FGF14: variants seen among roughly 807,000 people sequenced by gnomAD.
FGF14 encodes the protein fibroblast growth factor homologous factor 4.
In FGF14, 5 loss-of-function variants were observed where a neutral mutation model predicts 25.5. That is an observed-to-expected ratio of 0.20 (90% CI 0.10 to 0.41). The LOEUF is 0.41. Ranked by LOEUF, FGF14 falls within the 10% of genes least tolerant of loss-of-function variation. FGF14 has a pLI of 1.00. For missense variants in FGF14, 222 were observed against 320.1 expected (o/e 0.69, Z 2.34); for synonymous variants, 138 against 118.3 (o/e 1.17, Z -1.08).
chr13:101,756,563 T>C (rs1421778861), intron 3 of FGF14, among the ~76,000 whole-genome samples: 1 of 152,024 alleles, frequency 6.6e-6, no homozygotes, highest in Non-Finnish European at 1.5e-5. Flanking sequence ...TGAAACCCCG[T>C]CTCTACTAAA....
At chr13:102,076,698 T>C (rs1293889437) in intron 1 of FGF14, among the ~76,000 whole-genome samples, 2 of 152,170 alleles carry the variant, frequency 1.3e-5, no homozygotes, top group Non-Finnish European at 2.9e-5. Context: ...AAAATTAATA[T>C]TGTTAAAATG....
At chr13:101,788,921 G>T (rs866996199) in intron 3 of FGF14, among the ~76,000 whole-genome samples, 381 of 24,364 alleles carry the variant, frequency 0.016, no homozygotes, top group East Asian at 0.043. Context: ...GAGAGAGAGA[G>T]AGAGAGAGAG....
intron 1 of FGF14, among the ~76,000 whole-genome samples, chr13:102,277,586 C>T (rs757465538): frequency 2.0e-5 from 3 of 152,220 alleles, no homozygotes; most frequent in Non-Finnish European, 4.4e-5. Flanking sequence ...CTGGGCTCTG[C>T]TCTGCTGCCT....
chr13:102,353,945 C>T (rs369934706), intron 1 of FGF14, among the ~76,000 whole-genome samples: 44 of 152,300 alleles, frequency 2.9e-4, no homozygotes, highest in African/African-American at 1.1e-3. Flanking sequence ...CCTGAGCCTA[C>T]ATTCACCATG....
At chr13:101,814,703 C>T (rs2041748245) in intron 3 of FGF14, among the ~76,000 whole-genome samples, 1 of 152,142 alleles carries the variant, frequency 6.6e-6, no homozygotes. Context: ...GCTTCTTTCA[C>T]CCAGCATAAT....
intron 1 of FGF14, among the ~76,000 whole-genome samples, chr13:102,001,118 T>A (rs1197228543): frequency 6.6e-6 from 1 of 152,172 alleles, no homozygotes; most frequent in Non-Finnish European, 1.5e-5. Context: ...AAGTATTAAA[T>A]GTTATGATAT....
At chr13:102,293,806 T>C (rs1487330178) in intron 1 of FGF14, 1 of 152,250 alleles carries the variant, frequency 6.6e-6, no homozygotes, top group Admixed American at 6.5e-5. Flanking sequence ...CTGGAAATTC[T>C]GTCTGTGTGA....
intron 3 of FGF14, among the ~76,000 whole-genome samples, chr13:101,861,242 T>G (rs1025651815): frequency 1.3e-5 from 2 of 152,076 alleles, no homozygotes; most frequent in African/African-American, 4.8e-5. Flanking sequence ...ATCAATGAGC[T>G]TCATCATCAT....
chr13:101,857,879 A>T lies in FGF14; in HGVS notation c.408+10846T>A, dbSNP rs530518717. On this transcript the variant is annotated intron_variant, in intron 3 of 4. Coordinates refer to ENST00000376143, the MANE Select transcript of FGF14 (RefSeq NM_004115.4). The stretch of plus-strand genomic sequence containing the variant: ...TATAAAATCCATAGAAACAAACAAC[A>T]TAAAAAAGAAAAAACAATGAAAGTT... Among the ~76,000 whole-genome samples the T allele has an allele frequency of 8.1e-4, 123 of 152,166 alleles. 1 individual carries two copies. In the Middle Eastern group the frequency reaches 0.01, roughly 13 times the overall value.
chr13:101,853,804 C>A (rs567738968), intron 3 of FGF14, among the ~76,000 whole-genome samples: 1 of 152,080 alleles, frequency 6.6e-6, no homozygotes, highest in Admixed American at 6.6e-5. Flanking sequence ...CACTACTAAT[C>A]ACTTTGGGGA....
intron 3 of FGF14, among the ~76,000 whole-genome samples, chr13:101,729,630 C>T (rs1030321068): frequency 1.1e-4 from 16 of 152,034 alleles, no homozygotes; most frequent in East Asian, 1.9e-4. Flanking sequence ...TGAATAAATA[C>T]GTATTACACA....
At chr13:101,803,750 A>G (rs934209440) in intron 3 of FGF14, among the ~76,000 whole-genome samples, 2 of 152,136 alleles carry the variant, frequency 1.3e-5, no homozygotes, top group South Asian at 2.1e-4. Flanking sequence ...AATTGGACAG[A>G]TGTTGCTGCA....
chr13:102,376,122 AT>A (rs1412301565), intron 1 of FGF14, among the ~76,000 whole-genome samples: 1 of 152,154 alleles, frequency 6.6e-6, no homozygotes, highest in African/African-American at 2.4e-5. Context: ...TTCACCTTGA[AT>A]TGTAATAATC....
intron 1 of FGF14, among the ~76,000 whole-genome samples, chr13:102,112,411 G>A (rs1010958487): frequency 6.6e-6 from 1 of 151,970 alleles, no homozygotes; most frequent in Non-Finnish European, 1.5e-5. Flanking sequence ...TTTAAAATCC[G>A]AGTCACTTCT....
At chr13:102,309,497 C>A (rs1183390542) in intron 1 of FGF14, among the ~76,000 whole-genome samples, 2 of 152,140 alleles carry the variant, frequency 1.3e-5, no homozygotes, top group Non-Finnish European at 2.9e-5. Context: ...CTGCCTAGAT[C>A]TGCTAGGAAA....
chr13:101,897,831 C>T (rs1481960910), intron 1 of FGF14, among the ~76,000 whole-genome samples: 2 of 152,262 alleles, frequency 1.3e-5, no homozygotes, highest in South Asian at 2.1e-4. Flanking sequence ...TGAACACTGA[C>T]ATGATGTTCA....
At chr13:102,352,282 C>A (rs1401837471) in intron 1 of FGF14, among the ~76,000 whole-genome samples, 1 of 148,496 alleles carries the variant, frequency 6.7e-6, no homozygotes, top group African/African-American at 2.6e-5. Flanking sequence ...CACACACACA[C>A]ACACACACCT....
At chr13:102,364,905 A>G (rs1220407305) in intron 1 of FGF14, among the ~76,000 whole-genome samples, 1 of 152,220 alleles carries the variant, frequency 6.6e-6, no homozygotes, top group Non-Finnish European at 1.5e-5. Context: ...TTGCTTAGTC[A>G]TAACATCCAT....
At chr13:102,033,320 C>T (rs957142768) in intron 1 of FGF14, among the ~76,000 whole-genome samples, 3 of 152,174 alleles carry the variant, frequency 2.0e-5, no homozygotes, top group African/African-American at 7.2e-5. Flanking sequence ...AAATAAAATA[C>T]AGTAGTTCTA....
Sources: allele counts gnomAD v4.1 joint callset (sites outside exome capture counted in the v4.1 genomes callset), GRCh38; gene constraint gnomAD v4.1.1; transcripts MANE v1.5; gene names NCBI Gene and HGNC (gene_info 2026-07-23, HGNC 2026-07-21).